Variants in DTX3 observed in about 807,000 individuals in gnomAD.
DTX3 encodes E3 ubiquitin-protein ligase DTX3.
DTX3 carries 10 observed loss-of-function variants against 27.4 expected under a neutral mutation model. That is an observed-to-expected ratio of 0.36 (90% CI 0.22 to 0.62). DTX3 has a LOEUF of 0.62. Ranked by LOEUF, DTX3 falls within the 20% of genes least tolerant of loss-of-function variation. DTX3 has a pLI of 0.68. For synonymous variants in DTX3, 171 were observed against 190.7 expected (o/e 0.90, Z 0.85); for missense variants, 319 against 463.8 (o/e 0.69, Z 2.87).
rs372671833 is a variant in DTX3, at chr12:57,608,612, G to C, written c.843G>C (p.Leu281=). ...DCPEGNKVLT[L]FRKAFDQRLT... Reference sequence around the variant, plus strand: ...CTGAGGGCAACAAGGTGCTGACCCTGTTCCGCAAGGCGTTTGACCAGCGTC... The same window carrying C: ...CTGAGGGCAACAAGGTGCTGACCCTCTTCCGCAAGGCGTTTGACCAGCGTC... Residue 281 remains leucine (L), a synonymous_variant, in exon 6 of 7, where the codon CTG becomes CTC. Transcript: ENST00000337737. This position sits in a 1 kb window ranked among gnomAD's most constrained non-coding sequence, Gnocchi z 6.1. The C allele has an allele frequency of 3.7e-6, 6 of 1,614,094 alleles. No individual in the cohort carries two copies. In the African/African-American group the frequency reaches 6.7e-5, roughly 18 times the overall value.
At position 57,606,485 on chromosome 12, in the gene DTX3, C is replaced by A. The variant is rs192781578; in HGVS notation, c.-33C>A. The A allele has an allele frequency of 5.6e-6, 9 of 1,613,890 alleles. No individual in the cohort carries two copies. The highest frequency in any genetic ancestry group is 3.3e-5 in the South Asian group (3 of 91,048). On this transcript the variant is annotated 5_prime_UTR_variant, in exon 4 of 7. Coordinates refer to ENST00000337737, the MANE Select transcript of DTX3 (RefSeq NM_178502.4). ...TAGGGAGCAGGGAAAGAAGAGTGAG[C>A]CTGCATGCCAATTCTAAGCTCTTCA...
At chr12:57,605,074 T>A (rs1479269470) in intron 1 of DTX3, 1 of 152,416 alleles carries the variant, frequency 6.6e-6, no homozygotes, top group Non-Finnish European at 1.5e-5. Flanking sequence ...CGGGCCGACA[T>A]GCACCCCCAC....
chr12:57,608,740 G>T lies in DTX3; in HGVS notation c.968+3G>T. ...AGCTGCACAGGGGGACCCCAGCTGTGCGACCCCTCTTCATTTCCTTTCCCT... is the reference window on the plus strand; with the variant it reads ...AGCTGCACAGGGGGACCCCAGCTGTTCGACCCCTCTTCATTTCCTTTCCCT... On this transcript the variant is annotated splice_donor_region_variant and intron_variant, in intron 6 of 6. Transcript: ENST00000337737. This position sits in a 1 kb window ranked among gnomAD's most constrained non-coding sequence, Gnocchi z 6.1. The T allele has an allele frequency of 6.2e-7, 1 of 1,613,910 alleles. No individual in the cohort carries two copies. The highest frequency in any genetic ancestry group is 8.5e-7 in the Non-Finnish European group (1 of 1,179,932).
chr12:57,606,445 C>CCCT lies in DTX3; in HGVS notation c.-73_-72insCCT, dbSNP rs777091755. 1.9e-6 allele frequency: 3 copies of CCCT among 1,610,532 alleles called. No individual in the cohort carries two copies. The South Asian group carries it at 3.3e-5, about 18-fold the overall frequency. On this transcript the variant is annotated 5_prime_UTR_variant, in exon 4 of 7. Transcript: ENST00000337737. ...CTTCCATTTTTCCGCCCTACCAGGT[C>CCCT]ACACGACCTACAAGTAGGGAGCAGG...
In DTX3 at chr12:57,608,759, T is replaced by G. The variant is rs1883868120; in HGVS notation, c.968+22T>G. ...AGCTGTGCGACCCCTCTTCATTTCC[T>G]TTCCCTTGGCTCCTCCCCTTTGTTC... On this transcript the variant is annotated intron_variant, in intron 6 of 6. Transcript: ENST00000337737. This position sits in a 1 kb window ranked among gnomAD's most constrained non-coding sequence, Gnocchi z 6.1. The G allele has an allele frequency of 1.9e-6, 3 of 1,612,218 alleles. No individual in the cohort carries two copies. The South Asian group carries it at 3.3e-5, about 18-fold the overall frequency.
chr12:57,606,226 T>C lies in DTX3; in HGVS notation c.-102T>C. The C allele has an allele frequency of 2.3e-6, 1 of 437,814 alleles. No individual in the cohort carries two copies. 27.1% of individuals were successfully genotyped at this position (437,814 alleles called of 1,614,324 possible). A position where few individuals can be genotyped will look rare whatever the true frequency, so the allele number is the denominator to read the frequency against. ...TGAGTGGAAATAGAAGGATTTCTGC[T>C]GCCATCATCTTCCATGGGCTTTCCA... On this transcript the variant is annotated 5_prime_UTR_variant, in exon 3 of 7. Transcript: ENST00000337737.
chr12:57,607,684 G>A lies in DTX3; in HGVS notation c.750+71G>A. ...TCTGACCTAGGAAAACCGGGTGAGG[G>A]TGAGTGTGCTTGTTAGATGTGAGAC... On this transcript the variant is annotated intron_variant, in intron 5 of 6. Transcript: ENST00000337737. This position sits in a 1 kb window ranked among gnomAD's most constrained non-coding sequence, Gnocchi z 7.7. 2 of 1,594,064 alleles carry A rather than the reference G, an allele frequency of 1.3e-6. No homozygotes were observed. Among genetic ancestry groups the A allele is most frequent in the Non-Finnish European group, 1.7e-6 (2 of 1,163,564 alleles).
At position 57,607,272 on chromosome 12, in the gene DTX3, G is replaced by C; in HGVS notation, c.409G>C (p.Gly137Arg). The change falls in exon 5 of 7, where the codon GGG becomes CGG. Residue 137 changes from glycine (G) to arginine (R), a missense_variant. Coordinates refer to ENST00000337737, the MANE Select transcript of DTX3 (RefSeq NM_178502.4). The surrounding 1 kb of genome is among the most constrained non-coding windows in gnomAD (Gnocchi z 7.7). ...AAPLLPPGAR[G>R]LPPPPPPLPP... ...CCCACTTCTGCCCCCAGGAGCTCGG[G>C]GGCTCCCCCCTCCTCCTCCCCCCCT... is the stretch of plus-strand genomic sequence containing the variant. The C allele has an allele frequency of 1.9e-6, 3 of 1,580,094 alleles. No individual in the cohort carries two copies. Among genetic ancestry groups the C allele is most frequent in the Non-Finnish European group, 2.6e-6 (3 of 1,163,562 alleles).
chr12:57,606,548 C>T (rs780015718), intron 4 of DTX3, 30 bp downstream of exon 4: 1 of 1,613,090 alleles, frequency 6.2e-7, no homozygotes, highest in South Asian at 1.1e-5. Flanking sequence ...AAAGAGTCTC[C>T]CTCCCCTTTA....
chr12:57,606,299 T>C (rs1883714991), intron 3 of DTX3, 47 bp downstream of exon 3: 1 of 611,582 alleles, frequency 1.6e-6, no homozygotes, highest in Non-Finnish European at 2.8e-6. Flanking sequence ...TAAACTGGTT[T>C]CCTTCATTCC....
In DTX3 at chr12:57,608,926, C is replaced by A; in HGVS notation, c.969-151C>A. The A allele has an allele frequency of 9.5e-7, 1 of 1,055,890 alleles. No homozygotes were observed. Among genetic ancestry groups the A allele is most frequent in the Non-Finnish European group, 1.4e-6 (1 of 696,964 alleles). The allele number at this position is 1,055,890 out of a possible 1,614,324, so 65.4% of individuals were successfully genotyped here. A position where few individuals can be genotyped will look rare whatever the true frequency, so the allele number is the denominator to read the frequency against. On this transcript the variant is annotated intron_variant, in intron 6 of 6. Transcript: ENST00000337737. This position sits in a 1 kb window ranked among gnomAD's most constrained non-coding sequence, Gnocchi z 6.1. The stretch of plus-strand genomic sequence containing the variant: ...GCCCAGCTTAGCCTACAAAAATAAG[C>A]AGAACTGGGCTAAATTATCTTGGAT...
At position 57,607,269 on chromosome 12, in the gene DTX3, C is replaced by T. The variant is rs12832037; in HGVS notation, c.406C>T (p.Arg136Trp). ...AGCCCCACTTCTGCCCCCAGGAGCT[C>T]GGGGGCTCCCCCCTCCTCCTCCCCC... ...RAAPLLPPGA[R>W]GLPPPPPPLP... The change falls in exon 5 of 7, where the codon CGG becomes TGG. Residue 136 changes from arginine (R) to tryptophan (W), a missense_variant. This residue lies in a region of DTX3 where 202 missense variants were observed against 205.3 expected (regional missense o/e 0.98). Transcript: ENST00000337737. This position sits in a 1 kb window ranked among gnomAD's most constrained non-coding sequence, Gnocchi z 7.7. The T allele has an allele frequency of 1.3e-5, 21 of 1,577,510 alleles. No individual in the cohort carries two copies. Among genetic ancestry groups the T allele is most frequent in the South Asian group, 5.7e-5 (5 of 87,444 alleles).
At chr12:57,606,112 G>A in intron 2 of DTX3, 78 bp from the exon 3 acceptor site, 1 of 182,954 alleles carries the variant, frequency 5.5e-6, no homozygotes, top group Non-Finnish European at 1.1e-5. Flanking sequence ...AGATGGAAGG[G>A]GAGTTTTTAT....
rs765820883 is a variant in DTX3, at chr12:57,608,669, A to G, written c.900A>G (p.Thr300=). 2 of 1,614,064 alleles carry G rather than the reference A, an allele frequency of 1.2e-6. No individual in the cohort carries two copies. The highest frequency in any genetic ancestry group is 1.7e-6 in the Non-Finnish European group (2 of 1,180,018). Reference sequence around the variant, plus strand: ...TCACTATCGGCACGTCCATGACCACAGGGAGACCGAATGTCATCACCTGGA... The same window carrying G: ...TCACTATCGGCACGTCCATGACCACGGGGAGACCGAATGTCATCACCTGGA... The part of the protein sequence containing the change: ...LTFTIGTSMT[T]GRPNVITWND... The change falls in exon 6 of 7, where the codon ACA becomes ACG. Residue 300 remains threonine (T), a synonymous_variant. Transcript: ENST00000337737. This position sits in a 1 kb window ranked among gnomAD's most constrained non-coding sequence, Gnocchi z 6.1.
rs1378869894 is a variant in DTX3, at chr12:57,609,555, C to T, written c.*403C>T. The T allele has an allele frequency of 7.9e-5, 15 of 189,420 alleles. No homozygotes were observed. Among genetic ancestry groups the T allele is most frequent in the Admixed American group, 7.4e-4 (14 of 18,930 alleles). 11.7% of individuals were successfully genotyped at this position (189,420 alleles called of 1,614,324 possible). On this transcript the variant is annotated 3_prime_UTR_variant, in exon 7 of 7. Coordinates refer to ENST00000337737, the MANE Select transcript of DTX3 (RefSeq NM_178502.4). ...CACATACTGCTCCACCGCTGAACTT[C>T]GGGTGCCGGGGAGGAGAAATTGGGC... is the stretch of plus-strand genomic sequence containing the variant.
rs747459971 is a variant in DTX3 at position 57,607,243 on chromosome 12, C to A, written c.380C>A (p.Ala127Glu). 3 of 1,601,768 alleles carry A rather than the reference C, an allele frequency of 1.9e-6. No individual in the cohort carries two copies. The African/African-American group carries it at 4.0e-5, about 21-fold the overall frequency. ...MHRAGPPPLR[A>E]APLLPPGARG... ...CGCGCAGGCCCACCCCCTCTCCGAG[C>A]AGCCCCACTTCTGCCCCCAGGAGCT... Residue 127 changes from alanine (A) to glutamate (E), a missense_variant, in exon 5 of 7, where the codon GCA (alanine) becomes GAA (glutamate). This residue lies in a region of DTX3 where 202 missense variants were observed against 205.3 expected (regional missense o/e 0.98). Transcript: ENST00000337737. This position sits in a 1 kb window ranked among gnomAD's most constrained non-coding sequence, Gnocchi z 7.7.
rs780497751 is a variant in DTX3 at position 57,607,312 on chromosome 12, C to T, written c.449C>T (p.Pro150Leu). The change falls in exon 5 of 7, where the codon CCT becomes CTT. Residue 150 changes from proline to leucine, a missense_variant. By Grantham distance (98) the Pro-to-Leu change is moderately conservative. Coordinates refer to ENST00000337737, the MANE Select transcript of DTX3 (RefSeq NM_178502.4). This position sits in a 1 kb window ranked among gnomAD's most constrained non-coding sequence, Gnocchi z 7.7. ...PPPPPLPPPL[P>L]PRLREEAEEQ... ...CCTCCCCCCCTGCCCCCACCTCTTC[C>T]TCCTCGCCTTCGGGAGGAGGCAGAA... 20 of 1,592,016 alleles carry T rather than the reference C, an allele frequency of 1.3e-5. No homozygotes were observed. The highest frequency in any genetic ancestry group is 7.9e-5 in the South Asian group (7 of 88,286).
chr12:57,609,369 G>A lies in DTX3; in HGVS notation c.*217G>A, dbSNP rs1883915539. 5.2e-6 allele frequency: 3 copies of A among 575,046 alleles called. No individual in the cohort carries two copies. The highest frequency in any genetic ancestry group is 6.0e-5 in the Admixed American group (2 of 33,364). The allele number at this position is 575,046 out of a possible 1,614,324, so 35.6% of individuals were successfully genotyped here. A position where few individuals can be genotyped will look rare whatever the true frequency, so the allele number is the denominator to read the frequency against. Reference sequence around the variant, plus strand: ...GAGCCACTCCCTTCTGGCAGAGGCCGACCTCCAAGGCTCTGTTCTCCCCTC... The same window carrying A: ...GAGCCACTCCCTTCTGGCAGAGGCCAACCTCCAAGGCTCTGTTCTCCCCTC... On this transcript the variant is annotated 3_prime_UTR_variant, in exon 7 of 7. Transcript: ENST00000337737.
rs1438003738 is a variant in DTX3 at position 57,605,738 on chromosome 12, A to G, written c.-139+7A>G. ...CCTGTGCTGGGTTTAAAAGGTGACA[A>G]TGAGAACTTTGTTATTGCAGGGGCT... On this transcript the variant is annotated splice_region_variant and intron_variant, in intron 2 of 6. Coordinates refer to ENST00000337737, the MANE Select transcript of DTX3 (RefSeq NM_178502.4). 1 of 152,266 alleles carries G rather than the reference A, an allele frequency of 6.6e-6. No individual in the cohort carries two copies. Among genetic ancestry groups the G allele is most frequent in the Non-Finnish European group, 1.5e-5 (1 of 68,072 alleles). 9.4% of individuals were successfully genotyped at this position (152,266 alleles called of 1,614,324 possible).
Sources: allele counts gnomAD v4.1 joint callset, GRCh38; gene constraint gnomAD v4.1.1; regional missense constraint gnomAD v4.1.1; non-coding constraint Gnocchi (gnomAD v3.1); transcripts MANE v1.5; gene names NCBI Gene and HGNC (gene_info 2026-07-23, HGNC 2026-07-21).